Variants in WNT10A observed in about 807,000 individuals in gnomAD.
WNT10A encodes the protein Wnt family member 10A.
Under a neutral mutation model 36.1 loss-of-function variants are expected in WNT10A, and 37 were observed. The observed-to-expected ratio is 1.02, with a 90% CI of 0.79 to 1.35. The LOEUF (loss-of-function observed/expected upper bound fraction) is 1.35, where lower values mean the gene tolerates loss of function less well. WNT10A is among the 40% of genes most tolerant of loss of function. The probability of loss-of-function intolerance (pLI) is 0.00; values close to 1 mark genes in which losing one functional copy is unlikely to be tolerated. For synonymous variants in WNT10A, 255 were observed against 254.1 expected (o/e 1.00, Z -0.03); for missense variants, 613 against 601.4 (o/e 1.02, Z -0.20).
chr2:218,883,239 G>A (rs1198094202), intron 2 of WNT10A, among the ~76,000 whole-genome samples: 1 of 152,112 alleles, frequency 6.6e-6, no homozygotes, highest in Non-Finnish European at 1.5e-5. Flanking sequence ...CCTCTGGGAT[G>A]GGCCTAGCTG....
chr2:218,893,255 T>G lies in WNT10A; in HGVS notation c.1238T>G (p.Val413Gly). Residue 413 changes from valine to glycine, a missense_variant, in exon 4 of 4, where the codon GTC becomes GGC. Val to Gly is a moderately radical substitution (Grantham distance 109, BLOSUM62 -3). Coordinates refer to ENST00000258411, the MANE Select transcript of WNT10A (RefSeq NM_025216.3). This position sits in a 1 kb window ranked among gnomAD's most constrained non-coding sequence, Gnocchi z 6.3. The stretch of plus-strand genomic sequence containing the variant: ...GAAGAGTGCCGCATCACCGAGTGGG[T>G]CAGCGTCTGCAAGTGAGCGGCCCGG... ...VCEECRITEW[V>G]SVCK 2 of 1,555,934 alleles carry G rather than the reference T, an allele frequency of 1.3e-6. No individual in the cohort carries two copies. The highest frequency in any genetic ancestry group is 1.7e-6 in the Non-Finnish European group (2 of 1,157,340).
At chr2:218,880,639 G>A (rs913291245), upstream of WNT10A, 6 of 240,658 alleles carry the variant, frequency 2.5e-5, no homozygotes, top group Non-Finnish European at 4.8e-5. The surrounding 1 kb of genome is among the most constrained non-coding windows in gnomAD (Gnocchi z 7.7). Flanking sequence ...TGCGCTGGAG[G>A]GTTCCCCGGC....
intron 3 of WNT10A, among the ~76,000 whole-genome samples, chr2:218,892,473 G>A (rs1477842640): frequency 6.6e-6 from 1 of 152,130 alleles, no homozygotes; most frequent in Non-Finnish European, 1.5e-5. Flanking sequence ...CAGGAAGCAA[G>A]AGCCTCCAGC....
chr2:218,887,415 G>A (rs1404375289), intron 2 of WNT10A, among the ~76,000 whole-genome samples: 1 of 152,132 alleles, frequency 6.6e-6, no homozygotes, highest in Non-Finnish European at 1.5e-5. Context: ...AGGGATAAAT[G>A]CAGGATGTGC....
chr2:218,891,743 C>A (rs1010715765), intron 3 of WNT10A, among the ~76,000 whole-genome samples: 5 of 152,208 alleles, frequency 3.3e-5, no homozygotes, highest in African/African-American at 1.2e-4. Flanking sequence ...ACAGGCTGCG[C>A]ATGCACGCTG....
chr2:218,879,434 C>G (rs1227004206), upstream of WNT10A, among the ~76,000 whole-genome samples: 1 of 152,272 alleles, frequency 6.6e-6, no homozygotes. Context: ...GATCCACTAT[C>G]AGGGCCCAGG....
At chr2:218,882,505 C>T in intron 2 of WNT10A, 82 bp downstream of exon 2, 1 of 1,554,332 alleles carries the variant, frequency 6.4e-7, no homozygotes, top group Non-Finnish European at 8.8e-7. Flanking sequence ...TTCTAACCCA[C>T]TGCCTCAAGC....
the WNT10A span, among the ~76,000 whole-genome samples, chr2:218,875,246 TG>T: frequency 7.7e-5 from 10 of 129,858 alleles, no homozygotes; most frequent in Admixed American, 5.5e-4. Context: ...TGGAGTGCAG[TG>T]ACGTGATCTC....
chr2:218,892,812 C>A lies in WNT10A; in HGVS notation c.795C>A (p.His265Gln). 2 of 1,596,902 alleles carry A rather than the reference C, an allele frequency of 1.3e-6. No homozygotes were observed. The highest frequency in any genetic ancestry group is 1.7e-6 in the Non-Finnish European group (2 of 1,173,254). Reference protein sequence around the residue: ...MENMRRKCKCHGTSGSCQLKT... With the variant: ...MENMRRKCKCQGTSGSCQLKT... Reference sequence around the variant, plus strand: ...ACATGCGGCGGAAGTGCAAGTGCCACGGCACGTCAGGCAGCTGCCAGCTCA... The same window carrying A: ...ACATGCGGCGGAAGTGCAAGTGCCAAGGCACGTCAGGCAGCTGCCAGCTCA... Residue 265 changes from histidine to glutamine, a missense_variant, in exon 4 of 4, where the codon CAC (histidine) becomes CAA (glutamine). Physicochemically the swap from His to Gln is conservative, Grantham distance 24 (BLOSUM62 0). Transcript: ENST00000258411.
At chr2:218,892,742 C>T (rs1330000364) in intron 3 of WNT10A, 32 bp from the exon 4 acceptor site, 4 of 1,561,456 alleles carry the variant, frequency 2.6e-6, no homozygotes, top group African/African-American at 1.4e-5. Context: ...GGCTGCGCGC[C>T]GTGTCACCCC....
At chr2:218,876,959 T>C (rs1326801183), upstream of WNT10A, among the ~76,000 whole-genome samples, 1 of 152,114 alleles carries the variant, frequency 6.6e-6, no homozygotes, top group East Asian at 1.9e-4. Flanking sequence ...TTCCAGACTG[T>C]CTGGGACGTC....
intron 3 of WNT10A, 77 bp from the exon 4 acceptor site, chr2:218,892,697 G>C: frequency 6.5e-7 from 1 of 1,540,824 alleles, no homozygotes. Context: ...GTGGGTTTCA[G>C]AAGCAGGCCA....
Position 218,893,484 on chromosome 2 carries a change from A to G in WNT10A, c.*213A>G. On this transcript the variant is annotated 3_prime_UTR_variant, in exon 4 of 4. Transcript: ENST00000258411. This position sits in a 1 kb window ranked among gnomAD's most constrained non-coding sequence, Gnocchi z 6.3. ...ACCACTCACTTCTGTGGGCTCTAGGACTGACTGGGTTCTTCCTCCCTCCCC... is the reference window on the plus strand; with the variant it reads ...ACCACTCACTTCTGTGGGCTCTAGGGCTGACTGGGTTCTTCCTCCCTCCCC... The G allele has an allele frequency of 1.7e-6, 1 of 592,822 alleles. No homozygotes were observed. The highest frequency in any genetic ancestry group is 2.7e-6 in the Non-Finnish European group (1 of 376,314). 36.7% of individuals were successfully genotyped at this position (592,822 alleles called of 1,614,324 possible). A position where few individuals can be genotyped will look rare whatever the true frequency, so the allele number is the denominator to read the frequency against.
chr2:218,887,070 G>T (rs1944587708), intron 2 of WNT10A, among the ~76,000 whole-genome samples: 2 of 152,194 alleles, frequency 1.3e-5, no homozygotes, highest in South Asian at 4.1e-4. Context: ...CTGGTGCCAT[G>T]CACAGACAAG....
At chr2:218,875,923 T>C (rs987635584), upstream of WNT10A, among the ~76,000 whole-genome samples, 3 of 152,254 alleles carry the variant, frequency 2.0e-5, no homozygotes, top group Non-Finnish European at 2.9e-5. Flanking sequence ...ATGGCTTTTA[T>C]ACCAGGGAAG....
intron 1 of WNT10A, 95 bp downstream of exon 1, chr2:218,881,203 G>A: frequency 6.6e-7 from 1 of 1,516,140 alleles, no homozygotes; most frequent in Non-Finnish European, 9.0e-7. Flanking sequence ...GACCCTGGAA[G>A]AAGGGAGGGA....
At chr2:218,884,545 C>A (rs1944557815) in intron 2 of WNT10A, among the ~76,000 whole-genome samples, 1 of 152,164 alleles carries the variant, frequency 6.6e-6, no homozygotes, top group Admixed American at 6.5e-5. Flanking sequence ...TCTACCTCTA[C>A]TTCTACCTTC....
upstream of WNT10A, among the ~76,000 whole-genome samples, chr2:218,879,059 C>G (rs1352169970): frequency 1.3e-5 from 2 of 151,596 alleles, no homozygotes; most frequent in Non-Finnish European, 2.9e-5. Context: ...GCAGTCCAGC[C>G]AGACTGCTCC....
intron 2 of WNT10A, among the ~76,000 whole-genome samples, chr2:218,885,374 G>T (rs1944566737): frequency 6.6e-6 from 1 of 152,214 alleles, no homozygotes; most frequent in Non-Finnish European, 1.5e-5. Flanking sequence ...CAGAACATCT[G>T]GTAGAGGGGA....
Sources: allele counts gnomAD v4.1 joint callset (sites outside exome capture counted in the v4.1 genomes callset), GRCh38; gene constraint gnomAD v4.1.1; non-coding constraint Gnocchi (gnomAD v3.1); transcripts MANE v1.5; gene names NCBI Gene and HGNC (gene_info 2026-07-23, HGNC 2026-07-21).